IFT122: variants seen among roughly 807,000 people sequenced by gnomAD.
IFT122 encodes the protein intraflagellar transport 122, also known as intraflagellar transport protein 122 homolog.
IFT122 carries 118 observed loss-of-function variants against 161.6 expected under a neutral mutation model. The ratio of observed to expected loss-of-function variants is 0.73; its 90% CI spans 0.63 to 0.85. IFT122 has a LOEUF of 0.85. Ranked by LOEUF, IFT122 falls within the 40% of genes least tolerant of loss-of-function variation. The probability of loss-of-function intolerance (pLI) is 0.00; values close to 1 mark genes in which losing one functional copy is unlikely to be tolerated. For synonymous variants in IFT122, 550 were observed against 602.4 expected (o/e 0.91, Z 1.27); for missense variants, 1,381 against 1,579.6 (o/e 0.87, Z 2.13).
intron 26 of IFT122, 70 bp from the exon 27 acceptor site, chr3:129,517,399 C>T: frequency 6.3e-7 from 1 of 1,598,666 alleles, no homozygotes; most frequent in Non-Finnish European, 8.5e-7. Context: ...TCTGTGGTCA[C>T]CCCACCTGCC....
intron 8 of IFT122, among the ~76,000 whole-genome samples, chr3:129,468,830 C>G (rs1277407150): frequency 6.6e-6 from 1 of 152,194 alleles, no homozygotes; most frequent in Non-Finnish European, 1.5e-5. Flanking sequence ...AGTCAGAAAC[C>G]ATTTCACCTG....
intron 23 of IFT122, among the ~76,000 whole-genome samples, 153 bp downstream of exon 23, chr3:129,507,915 G>C (rs1003099633): frequency 6.6e-6 from 1 of 152,212 alleles, no homozygotes; most frequent in Non-Finnish European, 1.5e-5. Context: ...GAAAAAGTTT[G>C]AGTTTCTTTG....
chr3:129,520,154 T>A (rs776961242), intron 29 of IFT122, 22 bp from the exon 30 acceptor site: 1 of 1,601,090 alleles, frequency 6.2e-7, no homozygotes, highest in Non-Finnish European at 8.5e-7. Context: ...TTCAGCCTGG[T>A]CTTACAGCTG....
intron 8 of IFT122, 87 bp downstream of exon 8, chr3:129,467,153 C>A: frequency 7.6e-7 from 1 of 1,307,498 alleles, no homozygotes; most frequent in Non-Finnish European, 1.1e-6. Context: ...AACTCTTTGG[C>A]CAAGGGAGTG....
At chr3:129,501,211 C>T (rs544128002) in intron 19 of IFT122, among the ~76,000 whole-genome samples, 7 of 152,194 alleles carry the variant, frequency 4.6e-5, no homozygotes, top group East Asian at 3.9e-4. Context: ...TGCACACACA[C>T]GTGCACATGC....
At chr3:129,514,098 T>C in intron 24 of IFT122, 1 of 465,624 alleles carries the variant, frequency 2.1e-6, no homozygotes, top group South Asian at 2.0e-5. Context: ...AAGAGCCATT[T>C]TGGCCTAGTC....
intron 26 of IFT122, 77 bp from the exon 27 acceptor site, chr3:129,517,390 CTG>C (rs888486636): frequency 1.3e-6 from 2 of 1,588,928 alleles, no homozygotes; most frequent in African/African-American, 1.3e-5. Flanking sequence ...AGAAGCAACT[CTG>C]TGGTCACCCC....
chr3:129,474,089 C>G (rs964666976), intron 9 of IFT122, among the ~76,000 whole-genome samples: 3 of 152,084 alleles, frequency 2.0e-5, no homozygotes, highest in African/African-American at 7.2e-5. Flanking sequence ...TTTGAAATTC[C>G]TATACAGGAA....
rs944866732 is a variant in IFT122, at chr3:129,463,475, T to C, written c.350-85T>C. The C allele has an allele frequency of 2.9e-6, 3 of 1,051,480 alleles. No individual in the cohort carries two copies. The African/African-American group carries it at 4.7e-5, about 16-fold the overall frequency. The allele number at this position is 1,051,480 out of a possible 1,614,324, so 65.1% of individuals were successfully genotyped here. ...AAATCCTGGAGATCCATCTAAGTTG[T>C]TGTATGTTTCAATTATTTGTTCCTT... On this transcript the variant is annotated intron_variant, in intron 5 of 29. Transcript: ENST00000348417.
chr3:129,518,698 C>T (rs913621449), intron 27 of IFT122, among the ~76,000 whole-genome samples: 4 of 152,154 alleles, frequency 2.6e-5, no homozygotes, highest in Non-Finnish European at 4.4e-5. Context: ...GGGCGGTTTC[C>T]AGGGACCTCC....
chr3:129,445,231 C>T (rs1024630869), intron 1 of IFT122, among the ~76,000 whole-genome samples: 2 of 152,104 alleles, frequency 1.3e-5, no homozygotes, highest in Non-Finnish European at 2.9e-5. Flanking sequence ...GAGGCTAAGG[C>T]AGGAGAATCG....
At chr3:129,472,360 C>G (rs1257042489) in intron 9 of IFT122, among the ~76,000 whole-genome samples, 2 of 151,400 alleles carry the variant, frequency 1.3e-5, no homozygotes, top group African/African-American at 4.9e-5. Flanking sequence ...GAGATAGGGT[C>G]TCCTATGTTG....
chr3:129,499,465 C>T (rs181401321), intron 18 of IFT122, among the ~76,000 whole-genome samples: 5 of 152,238 alleles, frequency 3.3e-5, no homozygotes, highest in East Asian at 1.9e-4. Flanking sequence ...TGACAGGTCT[C>T]GATATGTGGA....
chr3:129,516,313 C>A (rs1273454244), intron 26 of IFT122, among the ~76,000 whole-genome samples: 3 of 125,614 alleles, frequency 2.4e-5, no homozygotes, highest in African/African-American at 1.1e-4. Flanking sequence ...CACACAGAGA[C>A]TGCCCCTGCA....
At chr3:129,514,147 A>G in intron 24 of IFT122, 1 of 622,098 alleles carries the variant, frequency 1.6e-6, no homozygotes, top group Non-Finnish European at 3.0e-6. Flanking sequence ...CAGAGATGCT[A>G]AGCAAGGTTA....
intron 9 of IFT122, among the ~76,000 whole-genome samples, chr3:129,472,352 G>A (rs1211777633): frequency 6.6e-6 from 1 of 151,546 alleles, no homozygotes; most frequent in Admixed American, 6.6e-5. Context: ...TTTTGGTAGA[G>A]ATAGGGTCTC....
intron 20 of IFT122, chr3:129,503,902 C>T (rs529941091): frequency 1.5e-5 from 5 of 329,070 alleles, no homozygotes; most frequent in Non-Finnish European, 2.4e-5. Flanking sequence ...TGGGTCCATA[C>T]AGCACGAAGC....
intron 15 of IFT122, chr3:129,483,943 A>C (rs553988184): frequency 2.1e-5 from 11 of 535,532 alleles, no homozygotes; most frequent in South Asian, 1.6e-4. Flanking sequence ...AGGGGTATGC[A>C]GTGTTGTCAG....
At chr3:129,503,379 ACTT>A (rs1430245647) in intron 20 of IFT122, among the ~76,000 whole-genome samples, 2 of 151,812 alleles carry the variant, frequency 1.3e-5, no homozygotes, top group African/African-American at 2.4e-5. Flanking sequence ...CACAACCACT[ACTT>A]CTCTCTGGTG....
Sources: allele counts gnomAD v4.1 joint callset (sites outside exome capture counted in the v4.1 genomes callset), GRCh38; gene constraint gnomAD v4.1.1; transcripts MANE v1.5; gene names NCBI Gene and HGNC (gene_info 2026-07-23, HGNC 2026-07-21).